Variants in PACSIN1 observed in about 807,000 individuals in gnomAD.
PACSIN1 encodes the protein protein kinase C and casein kinase substrate in neurons protein 1.
A neutral mutation model predicts 59.5 loss-of-function variants in PACSIN1; 15 were observed. The observed-to-expected ratio is 0.25, with a 90% CI of 0.17 to 0.39. The LOEUF (loss-of-function observed/expected upper bound fraction) is 0.39. Among genes scored for constraint, PACSIN1 ranks in the 10% least tolerant of loss-of-function variants. The probability of loss-of-function intolerance (pLI) is 1.00; values close to 1 mark genes in which losing one functional copy is unlikely to be tolerated. For missense variants in PACSIN1, 420 were observed against 580.2 expected (o/e 0.72, Z 2.84); for synonymous variants, 210 against 220.6 (o/e 0.95, Z 0.42).
At chr6:34,475,874 A>G (rs983060583) in intron 1 of PACSIN1, among the ~76,000 whole-genome samples, 1 of 152,180 alleles carries the variant, frequency 6.6e-6, no homozygotes, top group Non-Finnish European at 1.5e-5. Flanking sequence ...TTAGGGCTGA[A>G]ATGACTTGCT....
chr6:34,492,042 T>C (rs762848293), intron 1 of PACSIN1, among the ~76,000 whole-genome samples: 9 of 152,178 alleles, frequency 5.9e-5, no homozygotes, highest in African/African-American at 2.2e-4. Context: ...ACCCCAGTAA[T>C]GGGATTGCGG....
At chr6:34,477,916 CT>C (rs67088426) in intron 1 of PACSIN1, among the ~76,000 whole-genome samples, 102,875 of 113,206 alleles carry the variant, frequency 0.91, 46,512 homozygotes, top group East Asian at 0.96. Flanking sequence ...GCCTGGCCAT[CT>C]TTTTTTTTTT....
At position 34,493,219 on chromosome 6, in the gene PACSIN1, C is replaced by T. The variant is rs377029949; in HGVS notation, c.-64+26949C>T. Among the ~76,000 whole-genome samples, 247 of 152,278 alleles carry T rather than the reference C, an allele frequency of 1.6e-3. 1 individual carries two copies. The highest frequency in any genetic ancestry group is 5.4e-3 in the African/African-American group (223 of 41,548). On this transcript the variant is annotated intron_variant, in intron 1 of 9. Coordinates refer to ENST00000244458, the MANE Select transcript of PACSIN1 (RefSeq NM_020804.5). ...TCAGAATTGTCAGCAGTGAATATCC[C>T]CTGCAGCTGGGGGATGGAGTGTCTT... is the stretch of plus-strand genomic sequence containing the variant.
chr6:34,532,338 T>G lies in PACSIN1; in HGVS notation c.1226-83T>G, dbSNP rs2127277069. 2 of 869,402 alleles carry G rather than the reference T, an allele frequency of 2.3e-6. No homozygotes were observed. The highest frequency in any genetic ancestry group is 3.7e-6 in the Non-Finnish European group (2 of 534,986). The allele number at this position is 869,402 out of a possible 1,614,324, so 53.9% of individuals were successfully genotyped here. On this transcript the variant is annotated intron_variant, in intron 9 of 9. Coordinates refer to ENST00000244458, the MANE Select transcript of PACSIN1 (RefSeq NM_020804.5). This position sits in a 1 kb window ranked among gnomAD's most constrained non-coding sequence, Gnocchi z 5.2. ...CCCAGTGCAGTAATCAGGAGGTGGG[T>G]ATTGGAGGGTTCCCCTAGCAGCCGG...
intron 1 of PACSIN1, among the ~76,000 whole-genome samples, chr6:34,486,490 C>T (rs1477838320): frequency 6.6e-6 from 1 of 152,154 alleles, no homozygotes; most frequent in Non-Finnish European, 1.5e-5. Flanking sequence ...TACATCCTGC[C>T]CCTCCCGCTT....
chr6:34,519,117 G>C (rs1398729279), intron 1 of PACSIN1, among the ~76,000 whole-genome samples: 1 of 152,128 alleles, frequency 6.6e-6, no homozygotes, highest in African/African-American at 2.4e-5. Flanking sequence ...GGGAGGAGGA[G>C]GGGCCAGCCA....
intron 1 of PACSIN1, among the ~76,000 whole-genome samples, chr6:34,510,014 A>G (rs978001177): frequency 6.6e-6 from 1 of 152,234 alleles, no homozygotes; most frequent in African/African-American, 2.4e-5. Flanking sequence ...AACAAACCAC[A>G]CGGTAGAATT....
chr6:34,480,538 T>C (rs3846867), intron 1 of PACSIN1, among the ~76,000 whole-genome samples: 67,408 of 151,992 alleles, frequency 0.44, 15,126 homozygotes, highest in East Asian at 0.59. Flanking sequence ...TTTTTCATCA[T>C]ATATAATAGT....
At chr6:34,489,183 C>CA (rs10638490) in intron 1 of PACSIN1, among the ~76,000 whole-genome samples, 38,387 of 124,368 alleles carry the variant, frequency 0.31, 5,817 homozygotes, top group East Asian at 0.57. Context: ...GAGTTTGTCT[C>CA]AAAAAAAAAA....
At chr6:34,467,391 T>C (rs1188517334) in intron 1 of PACSIN1, among the ~76,000 whole-genome samples, 2 of 152,066 alleles carry the variant, frequency 1.3e-5, no homozygotes, top group African/African-American at 4.8e-5. Flanking sequence ...CAAGAAAATA[T>C]CTTGTGGAAT....
At chr6:34,496,733 C>A (rs7768481) in intron 1 of PACSIN1, among the ~76,000 whole-genome samples, 1 of 151,904 alleles carries the variant, frequency 6.6e-6, no homozygotes, top group Non-Finnish European at 1.5e-5. Flanking sequence ...CCCCTTCCAA[C>A]TCTGGATTCC....
intron 1 of PACSIN1, among the ~76,000 whole-genome samples, chr6:34,506,954 G>T (rs1054289148): frequency 8.5e-5 from 13 of 152,086 alleles, no homozygotes; most frequent in Non-Finnish European, 1.9e-4. Flanking sequence ...GCCAGGCAAG[G>T]CTCCCCACCC....
In PACSIN1 at chr6:34,515,413, C is replaced by T. The variant is rs11760070; in HGVS notation, c.-63-10830C>T. Among the ~76,000 whole-genome samples, 190 of 152,316 alleles carry T rather than the reference C, an allele frequency of 1.2e-3. No homozygotes were observed. Among genetic ancestry groups the T allele is most frequent in the Middle Eastern group, 3.4e-3 (1 of 294 alleles). On this transcript the variant is annotated intron_variant, in intron 1 of 9. Coordinates refer to ENST00000244458, the MANE Select transcript of PACSIN1 (RefSeq NM_020804.5). This position sits in a 1 kb window ranked among gnomAD's most constrained non-coding sequence, Gnocchi z 4.4. ...GCCTCCAGGGACCCACAGTCTGAAG[C>T]TAGACAGGGTATGCGGCAGAGGGCA...
Position 34,531,551 on chromosome 6 carries a change from G to A in PACSIN1, c.1038-49G>A, listed in dbSNP as rs1452013248. The A allele has an allele frequency of 6.3e-7, 1 of 1,582,530 alleles. No homozygotes were observed. The highest frequency in any genetic ancestry group is 2.3e-5 in the East Asian group (1 of 44,358). The stretch of plus-strand genomic sequence containing the variant: ...ATTAGGAGGAGCGGTTAGCCCTCGG[G>A]ATGCGGTACGGGGAGACATTGAAGC... On this transcript the variant is annotated intron_variant, in intron 8 of 9. Coordinates refer to ENST00000244458, the MANE Select transcript of PACSIN1 (RefSeq NM_020804.5). This position sits in a 1 kb window ranked among gnomAD's most constrained non-coding sequence, Gnocchi z 4.4.
chr6:34,513,331 G>T (rs996301380), intron 1 of PACSIN1, among the ~76,000 whole-genome samples: 1 of 152,180 alleles, frequency 6.6e-6, no homozygotes, highest in African/African-American at 2.4e-5. Flanking sequence ...TGCTTAATTT[G>T]TGGTGGCTTC....
intron 1 of PACSIN1, among the ~76,000 whole-genome samples, chr6:34,471,921 G>C (rs1227153039): frequency 2.0e-5 from 3 of 152,196 alleles, no homozygotes; most frequent in Non-Finnish European, 2.9e-5. Context: ...GAATGTCGCT[G>C]CCTGCCAGGC....
In PACSIN1 at chr6:34,488,607, T is replaced by C. The variant is rs1425857058; in HGVS notation, c.-64+22337T>C. On this transcript the variant is annotated intron_variant, in intron 1 of 9. Transcript: ENST00000244458. The surrounding 1 kb of genome is among the most constrained non-coding windows in gnomAD (Gnocchi z 4.7). ...TTCTACCCCATAGTTCTTAGATGCA[T>C]GTATTCTAGTCCCATTAGGGACTCA... Among the ~76,000 whole-genome samples, 1 of 152,214 alleles carries C rather than the reference T, an allele frequency of 6.6e-6. No individual in the cohort carries two copies. The highest frequency in any genetic ancestry group is 1.5e-5 in the Non-Finnish European group (1 of 68,042).
intron 1 of PACSIN1, among the ~76,000 whole-genome samples, chr6:34,480,227 C>CTTTTT (rs67633521): frequency 3.7e-5 from 5 of 133,626 alleles, no homozygotes; most frequent in African/African-American, 8.3e-5. Flanking sequence ...TTCTTTCTTT[C>CTTTTT]TTTTTTTTTT....
At position 34,518,390 on chromosome 6, in the gene PACSIN1, G is replaced by A. The variant is rs957398494; in HGVS notation, c.-63-7853G>A. Among the ~76,000 whole-genome samples the A allele has an allele frequency of 1.3e-5, 2 of 152,206 alleles. No homozygotes were observed. Among genetic ancestry groups the A allele is most frequent in the African/African-American group, 2.4e-5 (1 of 41,454 alleles). On this transcript the variant is annotated intron_variant, in intron 1 of 9. Transcript: ENST00000244458. The surrounding 1 kb of genome is among the most constrained non-coding windows in gnomAD (Gnocchi z 4.4). Reference sequence around the variant, plus strand: ...AGTGGCCAAGTGTGTGCTGACTGGTGTTGAGAAAAGAGATGCCCCAGAGCA... The same window carrying A: ...AGTGGCCAAGTGTGTGCTGACTGGTATTGAGAAAAGAGATGCCCCAGAGCA...
Sources: allele counts gnomAD v4.1 joint callset (sites outside exome capture counted in the v4.1 genomes callset), GRCh38; gene constraint gnomAD v4.1.1; non-coding constraint Gnocchi (gnomAD v3.1); transcripts MANE v1.5; gene names NCBI Gene and HGNC (gene_info 2026-07-23, HGNC 2026-07-21).